Variants in KCNN2 observed in about 807,000 individuals in gnomAD.
KCNN2 encodes potassium calcium-activated channel subfamily N member 2.
A neutral mutation model predicts 55.5 loss-of-function variants in KCNN2; 24 were observed. That is an observed-to-expected ratio of 0.43 (90% confidence interval 0.31 to 0.61). The LOEUF (loss-of-function observed/expected upper bound fraction) is 0.61. KCNN2 is among the 20% of genes least tolerant of loss of function. KCNN2 has a pLI of 0.08. For synonymous variants in KCNN2, 431 were observed against 336.1 expected, an observed-to-expected ratio of 1.28 and a Z score of -3.09; for missense variants, 754 against 853.6, an observed-to-expected ratio of 0.88 and a Z score of 1.45.
At chr5:114,371,494 T>C (rs1488134838) in intron 2 of KCNN2, among the ~76,000 whole-genome samples, 1 of 152,156 alleles carries the variant, frequency 6.6e-6, no homozygotes, top group Non-Finnish European at 1.5e-5. Flanking sequence ...CATAGCACTC[T>C]ATATTGAATG....
chr5:114,146,293 C>G (rs1306408083), intron 1 of KCNN2, among the ~76,000 whole-genome samples: 2 of 152,126 alleles, frequency 1.3e-5, no homozygotes. Flanking sequence ...TTATCCCCCT[C>G]TTTTGTTTAA....
chr5:114,350,146 A>G (rs1047692550), intron 2 of KCNN2, among the ~76,000 whole-genome samples: 1 of 151,974 alleles, frequency 6.6e-6, no homozygotes. Flanking sequence ...ACAGAATTGT[A>G]CATATTTATA....
intron 2 of KCNN2, among the ~76,000 whole-genome samples, chr5:114,385,514 T>TGC (rs369914146): frequency 0.049 from 4,007 of 81,412 alleles, 80 homozygotes; most frequent in African/African-American, 0.078. Context: ...CATACACACA[T>TGC]GCGCGCACAC....
At chr5:114,202,983 A>G (rs533781200) in intron 1 of KCNN2, among the ~76,000 whole-genome samples, 1 of 152,274 alleles carries the variant, frequency 6.6e-6, no homozygotes, top group African/African-American at 2.4e-5. Context: ...GAGAGCTCTA[A>G]TAGGGTCCAA....
chr5:114,183,063 G>T (rs79559929), intron 1 of KCNN2, among the ~76,000 whole-genome samples: 1,581 of 152,000 alleles, frequency 0.01, 31 homozygotes, highest in African/African-American at 0.037. Context: ...TTGTCGAGAG[G>T]ATTTTATTTT....
At chr5:114,314,137 G>A (rs1331946418) in intron 2 of KCNN2, among the ~76,000 whole-genome samples, 1 of 151,952 alleles carries the variant, frequency 6.6e-6, no homozygotes, top group Admixed American at 6.6e-5. Context: ...GGTGGGAGCC[G>A]CCTCCTAACA....
intron 1 of KCNN2, among the ~76,000 whole-genome samples, chr5:114,169,297 T>C (rs1752982085): frequency 1.3e-5 from 2 of 152,208 alleles, no homozygotes; most frequent in South Asian, 4.1e-4. Flanking sequence ...CATTGTAACC[T>C]AGTTCACTTG....
chr5:114,080,926 A>G (rs1273378861), intron 1 of KCNN2, among the ~76,000 whole-genome samples: 1 of 152,166 alleles, frequency 6.6e-6, no homozygotes, highest in East Asian at 1.9e-4. Context: ...TTATACTTAG[A>G]AAACCCTAAA....
At position 114,462,200 on chromosome 5, in the gene KCNN2, G is replaced by A. The variant is rs1163795340; in HGVS notation, c.1638-849G>A. On this transcript the variant is annotated intron_variant, in intron 3 of 7. Transcript: ENST00000673685. ...TGTATAAAACCAGTGTCCACATCAC[G>A]GGCACAGAGGGTTACTGTTTCGTAC... Among the ~76,000 whole-genome samples, 22 of 152,220 alleles carry A rather than the reference G, an allele frequency of 1.4e-4. No homozygotes were observed. In the East Asian group the frequency reaches 1.9e-3, roughly 13 times the overall value.
At chr5:114,238,345 G>A (rs962664804) in intron 2 of KCNN2, among the ~76,000 whole-genome samples, 4 of 152,044 alleles carry the variant, frequency 2.6e-5, no homozygotes, top group African/African-American at 9.7e-5. Context: ...TTGGATTATT[G>A]TTGGGTGCAG....
intron 1 of KCNN2, among the ~76,000 whole-genome samples, chr5:114,131,359 C>T (rs983059759): frequency 2.0e-5 from 3 of 152,158 alleles, no homozygotes; most frequent in Admixed American, 2.0e-4. Flanking sequence ...TCAGCTCCCA[C>T]TTATAAGTGA....
At chr5:114,228,861 C>G (rs928649280) in intron 2 of KCNN2, among the ~76,000 whole-genome samples, 2 of 151,862 alleles carry the variant, frequency 1.3e-5, no homozygotes, top group African/African-American at 4.8e-5. Context: ...TTTATATTTT[C>G]TCTTTAAAAG....
chr5:114,261,376 G>T (rs1411838565), intron 2 of KCNN2, among the ~76,000 whole-genome samples: 1 of 152,096 alleles, frequency 6.6e-6, no homozygotes, highest in African/African-American at 2.4e-5. Flanking sequence ...CCTCAGCTTT[G>T]CCCTATTCCT....
chr5:114,313,725 A>G (rs1266688491), intron 2 of KCNN2, among the ~76,000 whole-genome samples: 1 of 152,072 alleles, frequency 6.6e-6, no homozygotes, highest in African/African-American at 2.4e-5. Flanking sequence ...TCCCTTTAAT[A>G]TATGTCTGTT....
intron 1 of KCNN2, among the ~76,000 whole-genome samples, chr5:114,164,329 C>T (rs1444206619): frequency 1.3e-5 from 2 of 151,994 alleles, no homozygotes; most frequent in South Asian, 4.2e-4. Context: ...CTTTAACTGA[C>T]CTAGGTTTAT....
At chr5:114,346,619 G>A (rs1253235434) in intron 2 of KCNN2, among the ~76,000 whole-genome samples, 1 of 152,016 alleles carries the variant, frequency 6.6e-6, no homozygotes, top group East Asian at 1.9e-4. Flanking sequence ...CACAGAGATA[G>A]ACATAGATAT....
At position 114,362,328 on chromosome 5, in the gene KCNN2, C is replaced by T. The variant is rs1276383584; in HGVS notation, c.189C>T (p.Ser63=). ...LAHQQPASGG[S]SPCLRCNSCA... is the part of the protein sequence containing the mutation. Reference sequence around the variant, plus strand: ...ACCAGCAGCCGGCCAGCGGCGGCAGCAGCCCATGCCTCCGGTGCAACAGCT... The same window carrying T: ...ACCAGCAGCCGGCCAGCGGCGGCAGTAGCCCATGCCTCCGGTGCAACAGCT... Residue 63 remains serine, a synonymous_variant, in exon 1 of 8, where the codon AGC becomes AGT. Coordinates refer to ENST00000673685, the MANE Select transcript of KCNN2 (RefSeq NM_021614.4). The T allele has an allele frequency of 5.5e-6, 1 of 182,696 alleles. No homozygotes were observed. The highest frequency in any genetic ancestry group is 1.1e-5 in the Non-Finnish European group (1 of 89,426). The allele number at this position is 182,696 out of a possible 1,614,324, so 11.3% of individuals were successfully genotyped here. A position where few individuals can be genotyped will look rare whatever the true frequency, so the allele number is the denominator to read the frequency against.
At chr5:114,106,199 A>G (rs1188490678) in intron 1 of KCNN2, among the ~76,000 whole-genome samples, 5 of 151,082 alleles carry the variant, frequency 3.3e-5, no homozygotes, top group African/African-American at 9.7e-5. Flanking sequence ...TTTTTACTTA[A>G]TTCTCTTGCC....
At chr5:114,130,919 A>T (rs923004242) in intron 1 of KCNN2, among the ~76,000 whole-genome samples, 1 of 152,210 alleles carries the variant, frequency 6.6e-6, no homozygotes, top group Non-Finnish European at 1.5e-5. Flanking sequence ...TGTCTGCATC[A>T]GATAGCTCAG....
Sources: allele counts gnomAD v4.1 joint callset (sites outside exome capture counted in the v4.1 genomes callset), GRCh38; gene constraint gnomAD v4.1.1; transcripts MANE v1.5; gene names NCBI Gene and HGNC (gene_info 2026-07-23, HGNC 2026-07-21).